The following NUBPL variants were observed in gnomAD, a reference collection of about 807,000 sequenced individuals.
The protein encoded by NUBPL is iron-sulfur cluster transfer protein NUBPL.
Under a neutral mutation model 45.7 loss-of-function variants are expected in NUBPL, and 31 were observed. The observed-to-expected ratio is 0.68, with a 90% CI of 0.51 to 0.92. NUBPL has a LOEUF of 0.92. NUBPL is among the 40% of genes least tolerant of loss of function. The pLI is 0.00. For missense variants in NUBPL, 401 were observed against 398.7 expected (o/e 1.01, Z -0.05); for synonymous variants, 144 against 140.9 (o/e 1.02, Z -0.15).
intron 6 of NUBPL, among the ~76,000 whole-genome samples, chr14:31,710,583 C>T (rs34170106): frequency 0.28 from 42,639 of 152,034 alleles, 7,254 homozygotes; most frequent in South Asian, 0.41. Context: ...CTGTTACAGA[C>T]GCATTCTCGA....
chr14:31,811,349 T>C (rs1003910552), intron 7 of NUBPL, among the ~76,000 whole-genome samples: 1 of 152,216 alleles, frequency 6.6e-6, no homozygotes, highest in Non-Finnish European at 1.5e-5. Context: ...ACTTCTCTTC[T>C]GGCTTCATTT....
At chr14:31,748,146 G>A (rs572950212) in intron 6 of NUBPL, among the ~76,000 whole-genome samples, 2 of 152,000 alleles carry the variant, frequency 1.3e-5, no homozygotes, top group Admixed American at 6.6e-5. Context: ...GTTTTATTCC[G>A]TTGTGATCAG....
intron 6 of NUBPL, among the ~76,000 whole-genome samples, chr14:31,705,622 C>T (rs981421233): frequency 2.0e-5 from 3 of 151,746 alleles, no homozygotes; most frequent in South Asian, 2.1e-4. Flanking sequence ...CTGATTGGTG[C>T]GTTTACAAAC....
intron 4 of NUBPL, among the ~76,000 whole-genome samples, chr14:31,653,796 C>G (rs2036073328): frequency 6.6e-6 from 1 of 152,092 alleles, no homozygotes; most frequent in South Asian, 2.1e-4. Flanking sequence ...GAAATCTTCA[C>G]AATTTATGTT....
At chr14:31,817,437 G>A (rs1222635820) in intron 7 of NUBPL, among the ~76,000 whole-genome samples, 1 of 152,102 alleles carries the variant, frequency 6.6e-6, no homozygotes, top group Non-Finnish European at 1.5e-5. Flanking sequence ...AGAAAGGTCG[G>A]GTTACCCACA....
At chr14:31,817,959 G>A (rs1450933219) in intron 7 of NUBPL, among the ~76,000 whole-genome samples, 1 of 151,888 alleles carries the variant, frequency 6.6e-6, no homozygotes, top group African/African-American at 2.4e-5. Flanking sequence ...TAAAGGGATG[G>A]AGGAATACTT....
intron 2 of NUBPL, among the ~76,000 whole-genome samples, chr14:31,563,760 T>G (rs1218559556): frequency 6.6e-6 from 1 of 152,236 alleles, no homozygotes; most frequent in Non-Finnish European, 1.5e-5. Context: ...AGAACCTAAC[T>G]CTAAAATGAA....
At chr14:31,611,215 A>G (rs1232657260) in intron 4 of NUBPL, among the ~76,000 whole-genome samples, 1 of 152,236 alleles carries the variant, frequency 6.6e-6, no homozygotes, top group Non-Finnish European at 1.5e-5. Context: ...TAGAACTGAT[A>G]AACAAGTTCA....
At chr14:31,572,658 C>A (rs1427404296) in intron 3 of NUBPL, among the ~76,000 whole-genome samples, 1 of 152,156 alleles carries the variant, frequency 6.6e-6, no homozygotes, top group East Asian at 1.9e-4. Flanking sequence ...TAGTGGCCTA[C>A]ACACTGTTCT....
At chr14:31,856,387 G>T (rs2040620471) in intron 10 of NUBPL, among the ~76,000 whole-genome samples, 1 of 152,036 alleles carries the variant, frequency 6.6e-6, no homozygotes. Context: ...GATGAGATTT[G>T]GGTGGGGACA....
chr14:31,693,757 C>T (rs1255509783), intron 6 of NUBPL, among the ~76,000 whole-genome samples: 1 of 132,884 alleles, frequency 7.5e-6, no homozygotes, highest in Non-Finnish European at 1.5e-5. Context: ...ATTCAGTTTT[C>T]AGTTGGACAG....
intron 4 of NUBPL, among the ~76,000 whole-genome samples, chr14:31,619,299 T>C (rs1280212826): frequency 1.3e-5 from 2 of 152,178 alleles, no homozygotes; most frequent in East Asian, 1.9e-4. Context: ...AGGTTAATAT[T>C]GTTATGTGTG....
At chr14:31,598,774 A>G (rs1480633751) in intron 3 of NUBPL, among the ~76,000 whole-genome samples, 1 of 151,784 alleles carries the variant, frequency 6.6e-6, no homozygotes, top group East Asian at 1.9e-4. Flanking sequence ...CTTCCATCTC[A>G]TTTATGCCAG....
intron 7 of NUBPL, among the ~76,000 whole-genome samples, chr14:31,800,505 C>G (rs1470103710): frequency 1.3e-5 from 2 of 152,140 alleles, no homozygotes; most frequent in Non-Finnish European, 2.9e-5. Context: ...ATGTGACACA[C>G]AACCACAAAA....
In NUBPL at chr14:31,573,442, A is replaced by G. The variant is rs1236248118; in HGVS notation, c.291+8394A>G. Among the ~76,000 whole-genome samples the G allele has an allele frequency of 2.6e-5, 4 of 152,166 alleles. No homozygotes were observed. The South Asian group carries it at 8.3e-4, about 32-fold the overall frequency. ...ACTAGTCTGGTCTGTCTGGTTTTCT[A>G]TGGTAGATGTGTATTTGAATGCTTT... On this transcript the variant is annotated intron_variant, in intron 3 of 10. Transcript: ENST00000281081.
chr14:31,589,376 A>T (rs2034082391), intron 3 of NUBPL, among the ~76,000 whole-genome samples: 1 of 152,174 alleles, frequency 6.6e-6, no homozygotes, highest in African/African-American at 2.4e-5. Flanking sequence ...CTAAATCCTC[A>T]AGTTTCATAC....
chr14:31,850,636 C>G (rs1265843852), intron 10 of NUBPL, among the ~76,000 whole-genome samples: 1 of 151,482 alleles, frequency 6.6e-6, no homozygotes, highest in African/African-American at 2.4e-5. Flanking sequence ...TTTCCTTTTT[C>G]TTCAGACAGG....
intron 6 of NUBPL, among the ~76,000 whole-genome samples, chr14:31,736,535 C>A (rs1488192835): frequency 1.3e-5 from 2 of 152,104 alleles, no homozygotes. Context: ...TTGCATGAAT[C>A]CTCAGTGTAT....
chr14:31,564,505 TAAAA>T (rs60926550), intron 2 of NUBPL, among the ~76,000 whole-genome samples: 6 of 112,496 alleles, frequency 5.3e-5, no homozygotes, highest in East Asian at 2.6e-4. Flanking sequence ...ACCCTGTCTG[TAAAA>T]AAAAAAAAAA....
Sources: allele counts gnomAD v4.1 joint callset (sites outside exome capture counted in the v4.1 genomes callset), GRCh38; gene constraint gnomAD v4.1.1; transcripts MANE v1.5; gene names NCBI Gene and HGNC (gene_info 2026-07-23, HGNC 2026-07-21).